The following IKBKB variants were observed in gnomAD, a reference collection of about 807,000 sequenced individuals.
IKBKB encodes inhibitor of nuclear factor kappa-B kinase subunit beta.
Under a neutral mutation model 113.6 loss-of-function variants are expected in IKBKB, and 42 were observed. That is an observed-to-expected ratio of 0.37 (90% CI 0.29 to 0.48). The LOEUF (loss-of-function observed/expected upper bound fraction) is 0.48, where lower values mean the gene tolerates loss of function less well. Among genes scored for constraint, IKBKB ranks in the 20% least tolerant of loss-of-function variants. The pLI, the probability that IKBKB is intolerant of heterozygous loss-of-function variation, is 0.99. For missense variants in IKBKB, 673 were observed against 939.7 expected (o/e 0.72, Z 3.71); for synonymous variants, 296 against 361.3 (o/e 0.82, Z 2.05).
At chr8:42,278,402 A>G (rs1266340813) in intron 2 of IKBKB, among the ~76,000 whole-genome samples, 1 of 152,180 alleles carries the variant, frequency 6.6e-6, no homozygotes, top group Non-Finnish European at 1.5e-5. Context: ...CGCTGTGCCC[A>G]TGGGGACAGA....
At chr8:42,289,495 A>C (rs1812123325) in intron 3 of IKBKB, among the ~76,000 whole-genome samples, 1 of 152,146 alleles carries the variant, frequency 6.6e-6, no homozygotes, top group South Asian at 2.1e-4. Context: ...TGTCGCTGAC[A>C]TTTATTCCTC....
At chr8:42,324,079 G>C (rs761805769) in intron 19 of IKBKB, among the ~76,000 whole-genome samples, 12 of 152,272 alleles carry the variant, frequency 7.9e-5, no homozygotes, top group Admixed American at 2.6e-4. Flanking sequence ...CAACAAGAAG[G>C]TTCACAAGGA....
chr8:42,276,504 A>G (rs1459845701), intron 2 of IKBKB, among the ~76,000 whole-genome samples: 1 of 152,066 alleles, frequency 6.6e-6, no homozygotes, highest in East Asian at 1.9e-4. Context: ...TGTTGGATGG[A>G]TAGTTTGCAA....
intron 2 of IKBKB, among the ~76,000 whole-genome samples, chr8:42,278,724 A>C (rs1052716647): frequency 3.9e-5 from 6 of 152,024 alleles, no homozygotes; most frequent in African/African-American, 1.4e-4. Flanking sequence ...AGCCTGGTGC[A>C]GTGGCTCATG....
rs1348767567 is a variant in IKBKB, at chr8:42,316,386, A to T, written c.930+47A>T. ...CCCTGAGGCAAAAGCTGGGGTCCCC[A>T]GTGGAACATGCAGTTCTTAGGACAG... On this transcript the variant is annotated intron_variant, in intron 10 of 21. Coordinates refer to ENST00000520810, the MANE Select transcript of IKBKB (RefSeq NM_001556.3). This position sits in a 1 kb window ranked among gnomAD's most constrained non-coding sequence, Gnocchi z 4.5. 11 of 1,611,558 alleles carry T rather than the reference A, an allele frequency of 6.8e-6. No individual in the cohort carries two copies. The highest frequency in any genetic ancestry group is 8.5e-6 in the Non-Finnish European group (10 of 1,178,488).
intron 8 of IKBKB, among the ~76,000 whole-genome samples, chr8:42,309,927 G>T (rs1018074560): frequency 6.6e-6 from 1 of 152,050 alleles, no homozygotes; most frequent in Non-Finnish European, 1.5e-5. Context: ...CATTGTGCAG[G>T]ATATGTTTAT....
intron 4 of IKBKB, 125 bp downstream of exon 4, chr8:42,290,398 A>G (rs1812368370): frequency 4.3e-6 from 3 of 699,136 alleles, no homozygotes; most frequent in Admixed American, 2.3e-5. Flanking sequence ...TGACTCCAGC[A>G]GGGCTGCTTT....
At position 42,316,109 on chromosome 8, in the gene IKBKB, C is replaced by T. The variant is rs1818633152; in HGVS notation, c.801-101C>T. 9.3e-6 allele frequency: 12 copies of T among 1,288,218 alleles called. No individual in the cohort carries two copies. Among genetic ancestry groups the T allele is most frequent in the Non-Finnish European group, 9.7e-6 (9 of 929,566 alleles). The allele number at this position is 1,288,218 out of a possible 1,614,324, so 79.8% of individuals were successfully genotyped here. On this transcript the variant is annotated intron_variant, in intron 9 of 21. Transcript: ENST00000520810. This position sits in a 1 kb window ranked among gnomAD's most constrained non-coding sequence, Gnocchi z 4.5. ...TGATAAACCCATTTTCATTTTCAAT[C>T]ACCGTCTACTGGCTGCCGTCTGTGT...
At chr8:42,310,361 G>A (rs1008963589) in intron 8 of IKBKB, among the ~76,000 whole-genome samples, 5 of 152,274 alleles carry the variant, frequency 3.3e-5, no homozygotes, top group African/African-American at 1.2e-4. Context: ...GGCACCTGCT[G>A]TCTTCCAAGA....
chr8:42,302,165 T>C (rs1453594867), intron 5 of IKBKB, among the ~76,000 whole-genome samples: 1 of 152,240 alleles, frequency 6.6e-6, no homozygotes, highest in Admixed American at 6.5e-5. Flanking sequence ...GCTGTGTTAG[T>C]GCAGCTATTT....
chr8:42,301,767 C>A (rs964344971), intron 5 of IKBKB, among the ~76,000 whole-genome samples: 17 of 152,202 alleles, frequency 1.1e-4, no homozygotes, highest in African/African-American at 3.6e-4. Context: ...GATCTGGTGA[C>A]AACTCTAATC....
In IKBKB at chr8:42,288,958, G is replaced by A. The variant is rs1055769929; in HGVS notation, c.200+230G>A. 5.3e-5 allele frequency among the ~76,000 whole-genome samples: 8 copies of A among 151,876 alleles called. No homozygotes were observed. In the South Asian group the frequency reaches 1.0e-3, roughly 20 times the overall value. ...ATTAGCCGGGCATGGGTGGGCGCCT[G>A]TAGTCCCAGCTACAGAGAACACCAG... On this transcript the variant is annotated intron_variant, in intron 3 of 21. Coordinates refer to ENST00000520810, the MANE Select transcript of IKBKB (RefSeq NM_001556.3).
At chr8:42,324,236 G>A (rs2130699523) in intron 19 of IKBKB, among the ~76,000 whole-genome samples, 1 of 152,274 alleles carries the variant, frequency 6.6e-6, no homozygotes, top group South Asian at 2.1e-4. Context: ...TGCTGAGGTA[G>A]GCAAGGGTGA....
intron 19 of IKBKB, among the ~76,000 whole-genome samples, chr8:42,324,461 C>T (rs1252674244): frequency 2.6e-5 from 4 of 152,068 alleles, no homozygotes; most frequent in Non-Finnish European, 4.4e-5. Flanking sequence ...GATGGGGTTT[C>T]ACCATGTTGG....
intron 7 of IKBKB, among the ~76,000 whole-genome samples, chr8:42,308,016 C>T (rs1423967034): frequency 6.6e-6 from 1 of 152,214 alleles, no homozygotes; most frequent in Non-Finnish European, 1.5e-5. Context: ...TTCGGTCACC[C>T]CAGCGCTCTC....
chr8:42,277,064 G>A (rs1809295649), intron 2 of IKBKB, among the ~76,000 whole-genome samples: 2 of 151,254 alleles, frequency 1.3e-5, no homozygotes, highest in African/African-American at 4.9e-5. Context: ...TAGAGATGGG[G>A]TTTCACTGTG....
intron 5 of IKBKB, among the ~76,000 whole-genome samples, chr8:42,303,091 A>G (rs143729906): frequency 0.018 from 1,039 of 56,804 alleles, no homozygotes; most frequent in Middle Eastern, 0.054. Flanking sequence ...GAGAGAGAGA[A>G]TGAGAGAGAG....
Position 42,316,115 on chromosome 8 carries a change from C to T in IKBKB, c.801-95C>T. The T allele has an allele frequency of 7.3e-7, 1 of 1,361,614 alleles. No homozygotes were observed. The highest frequency in any genetic ancestry group is 2.1e-5 in the Admixed American group (1 of 48,424). The allele number at this position is 1,361,614 out of a possible 1,614,324, so 84.3% of individuals were successfully genotyped here. On this transcript the variant is annotated intron_variant, in intron 9 of 21. Coordinates refer to ENST00000520810, the MANE Select transcript of IKBKB (RefSeq NM_001556.3). The surrounding 1 kb of genome is among the most constrained non-coding windows in gnomAD (Gnocchi z 4.5). ...ACCCATTTTCATTTTCAATCACCGT[C>T]TACTGGCTGCCGTCTGTGTGTATAC...
At chr8:42,293,737 T>C (rs980167552) in intron 5 of IKBKB, among the ~76,000 whole-genome samples, 1 of 152,108 alleles carries the variant, frequency 6.6e-6, no homozygotes, top group African/African-American at 2.4e-5. Flanking sequence ...GATTAACTCA[T>C]CAGGTGAATT....
Sources: gnomAD v4.1 joint callset for allele counts (sites outside exome capture counted in the v4.1 genomes callset) on GRCh38, gnomAD v4.1.1 for gene constraint, Gnocchi (gnomAD v3.1) non-coding constraint, MANE v1.5 for transcripts, NCBI Gene and HGNC (gene_info 2026-07-23, HGNC 2026-07-21) for gene names.